GSN: variants seen among roughly 807,000 people sequenced by gnomAD.
GSN encodes actin-depolymerizing factor.
A neutral mutation model predicts 85.7 loss-of-function variants in GSN; 56 were observed. That is an observed-to-expected ratio of 0.65 (90% CI 0.53 to 0.82). The LOEUF (loss-of-function observed/expected upper bound fraction) is 0.82, where lower values mean the gene tolerates loss of function less well. GSN is among the 40% of genes least tolerant of loss of function. The pLI, the probability that GSN is intolerant of heterozygous loss-of-function variation, is 0.00. For synonymous variants in GSN, 373 were observed against 399.1 expected (o/e 0.93, Z 0.78); for missense variants, 857 against 979.8 (o/e 0.87, Z 1.67).
At chr9:121,233,401 G>T (rs1258162108) in intron 5 of GSN, among the ~76,000 whole-genome samples, 2 of 152,120 alleles carry the variant, frequency 1.3e-5, no homozygotes, top group East Asian at 3.8e-4. Context: ...GGAGGTGGAG[G>T]TTGCAGTGAG....
chr9:121,331,479 AGGGGT>A, intron 17 of GSN, 31 bp downstream of exon 17: 1 of 1,033,150 alleles, frequency 9.7e-7, no homozygotes, highest in Non-Finnish European at 1.4e-6. Context: ...GGGCGGGGGG[AGGGGT>A]CCGTTGCTTG....
intron 6 of GSN, 174 bp from the exon 7 acceptor site, chr9:121,313,760 T>TTGTG: frequency 1.5e-6 from 1 of 656,214 alleles, no homozygotes; most frequent in Non-Finnish European, 2.8e-6. Context: ...AAGGGACCTC[T>TTGTG]GATGGACAGA....
intron 2 of GSN, among the ~76,000 whole-genome samples, chr9:121,287,014 C>T (rs1225872506): frequency 2.0e-5 from 3 of 152,136 alleles, no homozygotes; most frequent in Non-Finnish European, 2.9e-5. Context: ...ACGTTCATTC[C>T]GGGGACGTCC....
chr9:121,251,160 G>A (rs1383989644), intron 6 of GSN, among the ~76,000 whole-genome samples: 1 of 137,306 alleles, frequency 7.3e-6, no homozygotes, highest in African/African-American at 2.8e-5. Flanking sequence ...TTGAACTGAA[G>A]TATAACATAC....
chr9:121,205,890 T>A (rs996880057), upstream of GSN, among the ~76,000 whole-genome samples: 4 of 152,196 alleles, frequency 2.6e-5, no homozygotes, highest in Non-Finnish European at 5.9e-5. Context: ...TAAACAAAAT[T>A]AATTCATCTC....
At chr9:121,202,268 A>T in the GSN span, among the ~76,000 whole-genome samples, 5 of 152,238 alleles carry the variant, frequency 3.3e-5, no homozygotes, top group South Asian at 1.0e-3. Context: ...TATACTGGCC[A>T]CCATGCTAAG....
Position 121,326,698 on chromosome 9 carries a change from T to G in GSN, c.1587+16T>G. ...GGCTGTTGAGGTAATTTCCAGGTCC[T>G]GGAACACAGAAGGGATTGGCCTCCC... On this transcript the variant is annotated intron_variant, in intron 13 of 17. Coordinates refer to ENST00000432226, the MANE Select transcript of GSN (RefSeq NM_198252.3). 6.2e-7 allele frequency: 1 copy of G among 1,607,624 alleles called. No individual in the cohort carries two copies. Among genetic ancestry groups the G allele is most frequent in the Non-Finnish European group, 8.5e-7 (1 of 1,175,656 alleles).
upstream of GSN, among the ~76,000 whole-genome samples, chr9:121,206,255 A>G (rs1215822504): frequency 1.3e-5 from 2 of 152,202 alleles, no homozygotes; most frequent in Non-Finnish European, 2.9e-5. Context: ...TAACCAAAAA[A>G]AGTTGAGATC....
rs900221207 is a variant in GSN at position 121,312,282 on chromosome 9, G to A, written c.514-57G>A. 8 of 1,589,332 alleles carry A rather than the reference G, an allele frequency of 5.0e-6. No homozygotes were observed. In the South Asian group the frequency reaches 5.5e-5, roughly 11 times the overall value. On this transcript the variant is annotated intron_variant, in intron 5 of 17. Coordinates refer to ENST00000432226, the MANE Select transcript of GSN (RefSeq NM_198252.3). ...CACGCCACACTCCCCAAGCCCTGTC[G>A]CTGGGCGGGGCTTATAGGAAGGCGG...
At chr9:121,291,510 G>A (rs1017319344) in intron 2 of GSN, among the ~76,000 whole-genome samples, 5 of 149,150 alleles carry the variant, frequency 3.4e-5, no homozygotes, top group Admixed American at 6.8e-5. Flanking sequence ...CCTCCATCTC[G>A]TGGGTTCAAG....
At chr9:121,226,854 C>A (rs2054279898) in intron 4 of GSN, among the ~76,000 whole-genome samples, 1 of 152,208 alleles carries the variant, frequency 6.6e-6, no homozygotes, top group Non-Finnish European at 1.5e-5. Context: ...CCTCCATTCT[C>A]TAAAGAGGGA....
intron 2 of GSN, among the ~76,000 whole-genome samples, chr9:121,290,680 C>T (rs2058600349): frequency 1.3e-5 from 2 of 152,138 alleles, no homozygotes; most frequent in Admixed American, 6.5e-5. Flanking sequence ...AAAGTAATTG[C>T]AATTTTTGCC....
At chr9:121,326,402 A>G in intron 12 of GSN, 110 bp from the exon 13 acceptor site, 1 of 874,324 alleles carries the variant, frequency 1.1e-6, no homozygotes, top group Non-Finnish European at 1.9e-6. Flanking sequence ...TCCATGCCAC[A>G]CACAGACACA....
chr9:121,251,337 A>T (rs768777647), intron 6 of GSN, among the ~76,000 whole-genome samples: 1 of 151,418 alleles, frequency 6.6e-6, no homozygotes, highest in Non-Finnish European at 1.5e-5. Context: ...ACCTGTCACC[A>T]TACTTGGCTA....
Position 121,321,207 on chromosome 9 carries a change from C to T in GSN, c.1192-61C>T, listed in dbSNP as rs146054289. On this transcript the variant is annotated intron_variant, in intron 10 of 17. Coordinates refer to ENST00000432226, the MANE Select transcript of GSN (RefSeq NM_198252.3). Reference sequence around the variant, plus strand: ...AACCTACCACACTGCGGTTTCCTGGCTTGCCTGAGCTGGGGGGTGGGGGTG... The same window carrying T: ...AACCTACCACACTGCGGTTTCCTGGTTTGCCTGAGCTGGGGGGTGGGGGTG... 86 of 1,597,362 alleles carry T rather than the reference C, an allele frequency of 5.4e-5. No individual in the cohort carries two copies. The East Asian group carries it at 1.9e-3, about 35-fold the overall frequency.
chr9:121,314,737 C>CT (rs1307149522), intron 7 of GSN, among the ~76,000 whole-genome samples: 1 of 152,154 alleles, frequency 6.6e-6, no homozygotes, highest in Non-Finnish European at 1.5e-5. Context: ...ACCAGTATTA[C>CT]TTTTAAAATA....
chr9:121,315,725 C>T (rs142366809), intron 7 of GSN, among the ~76,000 whole-genome samples: 5,804 of 152,252 alleles, frequency 0.038, 318 homozygotes, highest in Admixed American at 0.14. Context: ...AGTGCCATTG[C>T]ACTCCAGCCT....
At chr9:121,279,632 A>T (rs2057102630) in intron 1 of GSN, among the ~76,000 whole-genome samples, 1 of 151,960 alleles carries the variant, frequency 6.6e-6, no homozygotes, top group South Asian at 2.1e-4. Context: ...TGGATGGTGG[A>T]TGGTGGATGG....
chr9:121,305,023 TCTTGTC>T (rs2060256922), intron 4 of GSN, among the ~76,000 whole-genome samples: 1 of 152,202 alleles, frequency 6.6e-6, no homozygotes, highest in Non-Finnish European at 1.5e-5. Flanking sequence ...TGCTAATCTA[TCTTGTC>T]CTAGTCACTG....
Sources: allele counts gnomAD v4.1 joint callset (sites outside exome capture counted in the v4.1 genomes callset), GRCh38; gene constraint gnomAD v4.1.1; transcripts MANE v1.5; gene names NCBI Gene and HGNC (gene_info 2026-07-23, HGNC 2026-07-21).